WWC2: variants seen among roughly 807,000 people sequenced by gnomAD.
WWC2 encodes the protein WW and C2 domain containing 2, also known as protein WWC2.
WWC2 carries 101 observed loss-of-function variants against 138.5 expected under a neutral mutation model. That is an observed-to-expected ratio of 0.73 (90% CI 0.62 to 0.86). The LOEUF is 0.86. Among genes scored for constraint, WWC2 ranks in the 40% least tolerant of loss-of-function variants. The pLI is 0.00. For synonymous variants in WWC2, 558 were observed against 538.4 expected, an observed-to-expected ratio of 1.04 and a Z score of -0.50; for missense variants, 1,420 against 1,419.4, an observed-to-expected ratio of 1.00 and a Z score of -0.01.
At position 183,302,902 on chromosome 4, in the gene WWC2, A is replaced by G. The variant is rs1419701684; in HGVS notation, c.3385-9439A>G. Among the ~76,000 whole-genome samples the G allele has an allele frequency of 7.9e-5, 12 of 152,012 alleles. No individual in the cohort carries two copies. In the East Asian group the frequency reaches 1.9e-3, roughly 24 times the overall value. ...AACATGGTGAAACCCCGTTTCTACT[A>G]AAGATGTAAAAATTAGCTGGGCATG... On this transcript the variant is annotated intron_variant, in intron 21 of 22. Transcript: ENST00000403733.
At chr4:183,164,318 TACATATATATATATATATAC>T (rs1561443777) in intron 1 of WWC2, among the ~76,000 whole-genome samples, 129 of 1,894 alleles carry the variant, frequency 0.068, 4 homozygotes, top group East Asian at 0.17. Flanking sequence ...ATATTATATA[TACATATATATATATATATAC>T]ATATATATAT....
intron 1 of WWC2, among the ~76,000 whole-genome samples, chr4:183,128,901 A>G (rs1732840473): frequency 2.0e-5 from 3 of 152,234 alleles, no homozygotes; most frequent in African/African-American, 7.2e-5. Flanking sequence ...TGAAGAACAC[A>G]GTGAAATATA....
At position 183,261,653 on chromosome 4, in the gene WWC2, G is replaced by T. The variant is rs780354247; in HGVS notation, c.1909+121G>T. Reference sequence around the variant, plus strand: ...CCCCTTCTCTTTCTTTTGAGTAATCGTTTTGGCTTCATTTAAGAAGGAGCT... The same window carrying T: ...CCCCTTCTCTTTCTTTTGAGTAATCTTTTTGGCTTCATTTAAGAAGGAGCT... On this transcript the variant is annotated intron_variant, in intron 11 of 22. Transcript: ENST00000403733. 31 of 1,217,922 alleles carry T rather than the reference G, an allele frequency of 2.5e-5. No homozygotes were observed. The African/African-American group carries it at 4.8e-4, about 19-fold the overall frequency. The allele number at this position is 1,217,922 out of a possible 1,614,324, so 75.4% of individuals were successfully genotyped here. A position where few individuals can be genotyped will look rare whatever the true frequency, so the allele number is the denominator to read the frequency against.
intron 4 of WWC2, among the ~76,000 whole-genome samples, chr4:183,229,471 A>G (rs184953503): frequency 3.9e-5 from 6 of 152,128 alleles, no homozygotes; most frequent in Non-Finnish European, 7.3e-5. Flanking sequence ...CCTGACAAAT[A>G]GAGTATGGAA....
intron 1 of WWC2, among the ~76,000 whole-genome samples, chr4:183,106,172 TG>T (rs888540102): frequency 6.6e-6 from 1 of 151,790 alleles, no homozygotes; most frequent in Non-Finnish European, 1.5e-5. Flanking sequence ...TTAATAGAGA[TG>T]GGGTTTCACC....
chr4:183,258,734 A>G (rs1040376111), intron 9 of WWC2, among the ~76,000 whole-genome samples: 2 of 152,344 alleles, frequency 1.3e-5, no homozygotes, highest in South Asian at 4.1e-4. Context: ...TCAGCGACTT[A>G]CCAAGGATAT....
intron 7 of WWC2, among the ~76,000 whole-genome samples, 179 bp from the exon 8 acceptor site, chr4:183,249,741 A>G (rs769692360): frequency 2.0e-5 from 3 of 152,232 alleles, no homozygotes; most frequent in Non-Finnish European, 2.9e-5. Flanking sequence ...GCTTGAATTG[A>G]AAGAAATGTT....
chr4:183,282,661 G>A, intron 17 of WWC2, 47 bp from the exon 18 acceptor site: 4 of 1,536,902 alleles, frequency 2.6e-6, no homozygotes, highest in Non-Finnish European at 2.6e-6. Context: ...GCGTGTTCAT[G>A]GAGCATGCCT....
chr4:183,197,224 T>C (rs1016176425), intron 2 of WWC2, among the ~76,000 whole-genome samples: 1 of 152,230 alleles, frequency 6.6e-6, no homozygotes, highest in African/African-American at 2.4e-5. Flanking sequence ...GCTATTTTGC[T>C]GTAATGGTAA....
At chr4:183,289,765 A>G (rs547659654) in intron 21 of WWC2, 130 bp downstream of exon 21, 56 of 1,390,346 alleles carry the variant, frequency 4.0e-5, no homozygotes, top group East Asian at 1.4e-4. Context: ...AGCTTGGAAC[A>G]TATTTTTCCC....
intron 4 of WWC2, among the ~76,000 whole-genome samples, chr4:183,229,007 A>G (rs146522172): frequency 1.3e-5 from 2 of 152,178 alleles, no homozygotes; most frequent in African/African-American, 2.4e-5. Flanking sequence ...AGAAAAGACA[A>G]AACTATTTAC....
intron 18 of WWC2, among the ~76,000 whole-genome samples, chr4:183,283,777 T>C (rs1738157543): frequency 1.3e-5 from 2 of 152,252 alleles, no homozygotes; most frequent in Admixed American, 1.3e-4. Context: ...AAGTTTGTGG[T>C]ATATTTCATT....
intron 1 of WWC2, among the ~76,000 whole-genome samples, chr4:183,168,221 C>G (rs1394065476): frequency 6.9e-6 from 1 of 143,982 alleles, no homozygotes; most frequent in Non-Finnish European, 1.5e-5. Context: ...CTTGTAACTA[C>G]TGCGAGATAC....
intron 1 of WWC2, among the ~76,000 whole-genome samples, chr4:183,149,766 A>G (rs891260473): frequency 8.0e-5 from 12 of 150,724 alleles, no homozygotes; most frequent in African/African-American, 2.9e-4. Context: ...CATTCAGAAT[A>G]TATGTATATG....
intron 16 of WWC2, among the ~76,000 whole-genome samples, chr4:183,271,640 A>T (rs1737697562): frequency 6.6e-6 from 1 of 152,206 alleles, no homozygotes; most frequent in South Asian, 2.1e-4. Flanking sequence ...CAGATTTGAA[A>T]TTATTAAGCC....
intron 8 of WWC2, among the ~76,000 whole-genome samples, chr4:183,252,202 CA>C (rs1737000050): frequency 2.0e-5 from 3 of 152,334 alleles, no homozygotes; most frequent in African/African-American, 7.2e-5. Flanking sequence ...CAAGTTCTCC[CA>C]TGAAAATGGG....
chr4:183,317,245 A>C lies in WWC2; in HGVS notation c.*1516A>C, dbSNP rs1302038614. ...TAGCAAGAATTTTTATTTTCTTGAA[A>C]GCAATTATATATATTTTGGAAAGTT... On this transcript the variant is annotated 3_prime_UTR_variant, in exon 23 of 23. Coordinates refer to ENST00000403733, the MANE Select transcript of WWC2 (RefSeq NM_024949.6). 6.6e-6 allele frequency: 1 copy of C among 152,230 alleles called. No individual in the cohort carries two copies. Among genetic ancestry groups the C allele is most frequent in the Non-Finnish European group, 1.5e-5 (1 of 68,038 alleles). 9.4% of individuals were successfully genotyped at this position (152,230 alleles called of 1,614,324 possible). A position where few individuals can be genotyped will look rare whatever the true frequency, so the allele number is the denominator to read the frequency against.
intron 1 of WWC2, among the ~76,000 whole-genome samples, chr4:183,144,388 T>G (rs905735292): frequency 6.7e-6 from 1 of 149,872 alleles, no homozygotes; most frequent in African/African-American, 2.4e-5. Flanking sequence ...TCTGAAACTT[T>G]AAAAAAACTG....
chr4:183,180,445 C>T (rs1169108748), intron 1 of WWC2, among the ~76,000 whole-genome samples: 4 of 151,468 alleles, frequency 2.6e-5, no homozygotes, highest in South Asian at 4.2e-4. Flanking sequence ...CTCATGCCAA[C>T]GATGTTCTGA....
Sources: gnomAD v4.1 joint callset for allele counts (sites outside exome capture counted in the v4.1 genomes callset) on GRCh38, gnomAD v4.1.1 for gene constraint, MANE v1.5 for transcripts, NCBI Gene and HGNC (gene_info 2026-07-23, HGNC 2026-07-21) for gene names.